The following EXOSC5 variants were observed in gnomAD, a reference collection of about 807,000 sequenced individuals.
The protein encoded by EXOSC5 is exosome component 5.
Under a neutral mutation model 23.7 loss-of-function variants are expected in EXOSC5, and 15 were observed. The ratio of observed to expected loss-of-function variants is 0.63; its 90% confidence interval spans 0.42 to 0.97. The LOEUF (loss-of-function observed/expected upper bound fraction) is 0.97. Among genes scored for constraint, EXOSC5 ranks in the 50% least tolerant of loss-of-function variants. EXOSC5 has a pLI of 0.00. For missense variants in EXOSC5, 305 were observed against 316.3 expected (o/e 0.96, Z 0.27); for synonymous variants, 143 against 140.9 (o/e 1.02, Z -0.11).
At chr19:41,397,026 G>T (rs559087369) in intron 1 of EXOSC5, among the ~76,000 whole-genome samples, 155 bp downstream of exon 1, 1 of 152,268 alleles carries the variant, frequency 6.6e-6, no homozygotes, top group South Asian at 2.1e-4. Flanking sequence ...AGAGATGTGT[G>T]TATCCCTGCG....
chr19:41,389,763 A>G lies in EXOSC5; in HGVS notation c.525+2T>C. On this transcript the variant is annotated splice_donor_variant, in intron 4 of 5. Coordinates refer to ENST00000221233, the MANE Select transcript of EXOSC5 (RefSeq NM_020158.4). LOFTEE classifies it high-confidence loss of function. ...TTCAGCCACCCTGGTCTTCACACCT[A>G]CCTTTTCTTGCTTGGATGTAGGATC... The G allele has an allele frequency of 1.2e-6, 2 of 1,612,470 alleles. No homozygotes were observed. Among genetic ancestry groups the G allele is most frequent in the Non-Finnish European group, 1.7e-6 (2 of 1,179,362 alleles).
In EXOSC5 at chr19:41,397,323, C is replaced by A. The variant is rs760249400; in HGVS notation, c.6G>T (p.Glu2Asp). M[E>D]EETHTDAKIR... ...TTTTGGCGTCAGTATGCGTCTCCTC[C>A]TCCATCGCGCCGAGCCCACGTGCGG... Residue 2 changes from glutamate (E) to aspartate (D), a missense_variant, in exon 1 of 6, where the codon GAG becomes GAT. Glu to Asp is a conservative substitution (Grantham distance 45, BLOSUM62 2). Transcript: ENST00000221233. 6.2e-7 allele frequency: 1 copy of A among 1,611,886 alleles called. No homozygotes were observed.
At chr19:41,391,520 G>T in intron 3 of EXOSC5, 1 of 276,830 alleles carries the variant, frequency 3.6e-6, no homozygotes, top group Non-Finnish European at 6.7e-6. Flanking sequence ...TTTGTCACCT[G>T]AAACATGCGA....
chr19:41,397,055 C>G, intron 1 of EXOSC5, 126 bp downstream of exon 1: 3 of 1,104,146 alleles, frequency 2.7e-6, no homozygotes, highest in East Asian at 2.4e-5. Context: ...AGTATTCAAT[C>G]GGACAAGAAA....
At chr19:41,390,767 A>G (rs2039017690) in intron 3 of EXOSC5, among the ~76,000 whole-genome samples, 2 of 151,808 alleles carry the variant, frequency 1.3e-5, no homozygotes, top group East Asian at 3.9e-4. Context: ...CCAGACAAAG[A>G]CCACAGCTTT....
In EXOSC5 at chr19:41,388,528, C is replaced by G. The variant is rs577527555; in HGVS notation, c.526-925G>C. 9.2e-5 allele frequency among the ~76,000 whole-genome samples: 14 copies of G among 152,312 alleles called. No homozygotes were observed. In the South Asian group the frequency reaches 2.9e-3, roughly 32 times the overall value. On this transcript the variant is annotated intron_variant, in intron 4 of 5. Transcript: ENST00000221233. ...ACCAATTGAGATGATGTCTCCAACA[C>G]GACAGAACAGGAGGTGGCTCGCAGG...
At position 41,386,827 on chromosome 19, in the gene EXOSC5, C is replaced by G. The variant is rs1209004327; in HGVS notation, c.616-102G>C. ...GCTGACCCCACCTGACTCCCTTAAC[C>G]TCCCATCACTCCCCTGCCCCCAAGT... On this transcript the variant is annotated intron_variant, in intron 5 of 5. Transcript: ENST00000221233. 5.4e-6 allele frequency: 5 copies of G among 924,344 alleles called. No homozygotes were observed. The Admixed American group carries it at 1.1e-4, about 21-fold the overall frequency. The allele number at this position is 924,344 out of a possible 1,614,324, so 57.3% of individuals were successfully genotyped here. A position where few individuals can be genotyped will look rare whatever the true frequency, so the allele number is the denominator to read the frequency against.
chr19:41,391,734 T>C, intron 3 of EXOSC5, 107 bp downstream of exon 3: 2 of 1,386,986 alleles, frequency 1.4e-6, no homozygotes, highest in South Asian at 1.6e-5. Flanking sequence ...AGCTGGTACC[T>C]GTCAAGTGTT....
intron 4 of EXOSC5, 102 bp from the exon 5 acceptor site, chr19:41,387,705 C>T: frequency 1.3e-6 from 1 of 764,098 alleles, no homozygotes; most frequent in South Asian, 3.0e-5. Context: ...TGACCATAAT[C>T]TCACCACTTT....
intron 1 of EXOSC5, 79 bp from the exon 2 acceptor site, chr19:41,393,059 C>T (rs2039036135): frequency 2.7e-6 from 3 of 1,129,062 alleles, no homozygotes; most frequent in Admixed American, 1.8e-5. Flanking sequence ...GCCTGACGGC[C>T]AGGGCTCCCC....
chr19:41,390,330 A>G (rs1296100197), intron 3 of EXOSC5, among the ~76,000 whole-genome samples: 1 of 152,218 alleles, frequency 6.6e-6, no homozygotes, highest in Non-Finnish European at 1.5e-5. Flanking sequence ...CGGTCACAGA[A>G]GGGCAGTATG....
chr19:41,397,157 G>C (rs2039075703), intron 1 of EXOSC5, 24 bp downstream of exon 1: 1 of 1,611,016 alleles, frequency 6.2e-7, no homozygotes, highest in Non-Finnish European at 8.5e-7. Flanking sequence ...CTCTCCAAAA[G>C]AAAGACCTGG....
Position 41,392,957 on chromosome 19 carries a change from C to T in EXOSC5, c.172G>A (p.Val58Met). 6.2e-6 allele frequency: 10 copies of T among 1,613,376 alleles called. No individual in the cohort carries two copies. The highest frequency in any genetic ancestry group is 8.5e-6 in the Non-Finnish European group (10 of 1,180,012). The change falls in exon 2 of 6, where the codon GTG (valine) becomes ATG (methionine). Residue 58 changes from valine to methionine, a missense_variant. Val to Met is a conservative substitution (Grantham distance 21, BLOSUM62 1). Transcript: ENST00000221233. Reference sequence around the variant, plus strand: ...ACCTTCACCTCGGCCGGCCCGTACACACCCGCCAGGACAGAGGTGTCACCT... The same window carrying T: ...ACCTTCACCTCGGCCGGCCCGTACATACCCGCCAGGACAGAGGTGTCACCT... Reference protein sequence around the residue: ...LQGDTSVLAGVYGPAEVKVSK... With the variant: ...LQGDTSVLAGMYGPAEVKVSK...
chr19:41,395,345 T>G (rs2039054257), intron 1 of EXOSC5, among the ~76,000 whole-genome samples: 1 of 152,208 alleles, frequency 6.6e-6, no homozygotes, highest in Non-Finnish European at 1.5e-5. Flanking sequence ...ATGAACTGCC[T>G]GTGTTTTGCC....
intron 1 of EXOSC5, among the ~76,000 whole-genome samples, chr19:41,396,456 G>A (rs10417997): frequency 0.58 from 87,709 of 151,872 alleles, 25,561 homozygotes; most frequent in Middle Eastern, 0.6. Flanking sequence ...GTGAGCCACA[G>A]GTCTTGGCCT....
intron 1 of EXOSC5, among the ~76,000 whole-genome samples, chr19:41,393,252 G>A (rs1295135615): frequency 6.6e-6 from 1 of 152,220 alleles, no homozygotes; most frequent in Non-Finnish European, 1.5e-5. Flanking sequence ...GACTTTAGCT[G>A]TATTAGTAAC....
chr19:41,392,225 C>T (rs1327658715), intron 2 of EXOSC5: 2 of 489,688 alleles, frequency 4.1e-6, no homozygotes, highest in Non-Finnish European at 7.1e-6. Context: ...TACCCACGCC[C>T]ACTCCCACCC....
At chr19:41,396,675 G>A (rs973073928) in intron 1 of EXOSC5, among the ~76,000 whole-genome samples, 7 of 148,430 alleles carry the variant, frequency 4.7e-5, no homozygotes, top group Admixed American at 1.4e-4. Flanking sequence ...CTTGTGTGGA[G>A]AGATGCAGTG....
At position 41,397,312 on chromosome 19, in the gene EXOSC5, T is replaced by C. The variant is rs770305782; in HGVS notation, c.17A>G (p.His6Arg). ...TTCAGCACGGATTTTGGCGTCAGTA[T>C]GCGTCTCCTCCTCCATCGCGCCGAG... MEEET[H>R]TDAKIRAENG... The change falls in exon 1 of 6, where the codon CAT becomes CGT. Residue 6 changes from histidine to arginine, a missense_variant. Physicochemically the swap from His to Arg is conservative, Grantham distance 29 (BLOSUM62 0). Coordinates refer to ENST00000221233, the MANE Select transcript of EXOSC5 (RefSeq NM_020158.4). 5 of 1,613,734 alleles carry C rather than the reference T, an allele frequency of 3.1e-6. No homozygotes were observed. Among genetic ancestry groups the C allele is most frequent in the Non-Finnish European group, 4.2e-6 (5 of 1,179,664 alleles).
Sources: gnomAD v4.1 joint callset for allele counts (sites outside exome capture counted in the v4.1 genomes callset) on GRCh38, gnomAD v4.1.1 for gene constraint, MANE v1.5 for transcripts, NCBI Gene and HGNC (gene_info 2026-07-23, HGNC 2026-07-21) for gene names.